The following LRRC28 variants were observed in gnomAD, a reference collection of about 807,000 sequenced individuals.
LRRC28 encodes the protein leucine-rich repeat-containing protein 28.
A neutral mutation model predicts 45.7 loss-of-function variants in LRRC28; 39 were observed. That is an observed-to-expected ratio of 0.85 (90% CI 0.66 to 1.12). The LOEUF is 1.12. Among genes scored for constraint, LRRC28 ranks in the 50% most tolerant of loss-of-function variants. LRRC28 has a pLI of 0.00. For synonymous variants in LRRC28, 206 were observed against 178.8 expected, an observed-to-expected ratio of 1.15 and a Z score of -1.22; for missense variants, 435 against 438.5, an observed-to-expected ratio of 0.99 and a Z score of 0.07.
chr15:99,279,099 G>A (rs146053601), intron 3 of LRRC28, among the ~76,000 whole-genome samples: 163 of 152,282 alleles, frequency 1.1e-3, no homozygotes, highest in African/African-American at 3.6e-3. Flanking sequence ...TGTACTTTCC[G>A]TCTCTATGGA....
intron 8 of LRRC28, among the ~76,000 whole-genome samples, chr15:99,362,594 T>A (rs62023857): frequency 0.14 from 20,851 of 152,234 alleles, 1,483 homozygotes; most frequent in Non-Finnish European, 0.17. Flanking sequence ...TGAGAGTAAG[T>A]CAAGCAAACG....
chr15:99,271,285 A>ATTT (rs71287826), intron 2 of LRRC28, among the ~76,000 whole-genome samples: 13 of 145,976 alleles, frequency 8.9e-5, no homozygotes, highest in Admixed American at 2.7e-4. Context: ...CAGTGTATCT[A>ATTT]TTTTTTTTTT....
intron 7 of LRRC28, among the ~76,000 whole-genome samples, chr15:99,352,749 A>G (rs1160475391): frequency 6.6e-6 from 1 of 152,218 alleles, no homozygotes; most frequent in African/African-American, 2.4e-5. Context: ...TAGAGTTGAC[A>G]AATAAAATTG....
intron 5 of LRRC28, among the ~76,000 whole-genome samples, chr15:99,319,816 A>ATTTTAT (rs200989896): frequency 1.3e-5 from 2 of 151,592 alleles, no homozygotes; most frequent in African/African-American, 4.8e-5. Context: ...ATTTTATTTT[A>ATTTTAT]TTTATTTTTT....
rs2080775904 is a variant in LRRC28, at chr15:99,251,532, T to G, written c.-70T>G. 1.3e-5 allele frequency: 2 copies of G among 151,114 alleles called. No homozygotes were observed. The highest frequency in any genetic ancestry group is 4.8e-5 in the African/African-American group (2 of 41,238). The allele number at this position is 151,114 out of a possible 1,614,324, so 9.4% of individuals were successfully genotyped here. On this transcript the variant is annotated 5_prime_UTR_variant, in exon 1 of 10. Transcript: ENST00000301981. ...TTGCGCTCCGGAGCGCTGGCTCTGC[T>G]GGCGCTGAGGTGAGTAGAGCTGTCC... is the stretch of plus-strand genomic sequence containing the variant.
At chr15:99,374,366 T>TA (rs1422281343) in intron 9 of LRRC28, among the ~76,000 whole-genome samples, 1 of 152,238 alleles carries the variant, frequency 6.6e-6, no homozygotes, top group African/African-American at 2.4e-5. Context: ...TTGTAAATGA[T>TA]ACTGTGTTTT....
At chr15:99,288,360 A>G (rs2082014425) in intron 5 of LRRC28, among the ~76,000 whole-genome samples, 1 of 147,494 alleles carries the variant, frequency 6.8e-6, no homozygotes, top group African/African-American at 2.5e-5. Context: ...GAGGTAACTA[A>G]TGTACATTAA....
chr15:99,305,702 G>A (rs1955158125), intron 5 of LRRC28, among the ~76,000 whole-genome samples: 1 of 151,836 alleles, frequency 6.6e-6, no homozygotes. Flanking sequence ...TTTGGAAAGA[G>A]GAATATTATG....
intron 2 of LRRC28, among the ~76,000 whole-genome samples, chr15:99,265,841 A>G (rs2152138906): frequency 1.3e-5 from 2 of 152,334 alleles, no homozygotes; most frequent in Admixed American, 1.3e-4. Context: ...GGAGGAAAAC[A>G]TAAAATCTCA....
intron 6 of LRRC28, among the ~76,000 whole-genome samples, chr15:99,339,105 G>GTC (rs78531461): frequency 0.31 from 47,390 of 151,972 alleles, 8,519 homozygotes; most frequent in African/African-American, 0.51. Flanking sequence ...TCAGAGAACT[G>GTC]CAACTCATTT....
intron 2 of LRRC28, among the ~76,000 whole-genome samples, chr15:99,273,267 C>G (rs1296263670): frequency 1.3e-5 from 2 of 151,952 alleles, no homozygotes; most frequent in Non-Finnish European, 2.9e-5. Context: ...GATGGAGTCT[C>G]ACTCTGTCAC....
chr15:99,377,308 AT>A (rs1957669372), intron 9 of LRRC28, among the ~76,000 whole-genome samples: 1 of 151,780 alleles, frequency 6.6e-6, no homozygotes, highest in Non-Finnish European at 1.5e-5. Context: ...GATGATGAGC[AT>A]TTTTTCATGT....
chr15:99,276,523 A>C, intron 2 of LRRC28, 53 bp from the exon 3 acceptor site: 3 of 1,395,140 alleles, frequency 2.2e-6, no homozygotes, highest in Non-Finnish European at 9.7e-7. Flanking sequence ...CAAATTAGAA[A>C]TGTTTAGACA....
At chr15:99,336,761 G>A (rs572063329) in intron 6 of LRRC28, among the ~76,000 whole-genome samples, 3 of 152,218 alleles carry the variant, frequency 2.0e-5, no homozygotes, top group African/African-American at 7.2e-5. Flanking sequence ...GTCTGTCTTG[G>A]TGCTGATAGT....
At chr15:99,329,360 G>A (rs1169024817) in intron 5 of LRRC28, among the ~76,000 whole-genome samples, 1 of 152,182 alleles carries the variant, frequency 6.6e-6, no homozygotes, top group Non-Finnish European at 1.5e-5. Flanking sequence ...GATCATAGAA[G>A]TGAAAATGCA....
Position 99,325,828 on chromosome 15 carries a change from A to G in LRRC28, c.386-8095A>G, listed in dbSNP as rs1351257056. 2.6e-5 allele frequency among the ~76,000 whole-genome samples: 4 copies of G among 152,120 alleles called. No homozygotes were observed. In the East Asian group the frequency reaches 7.7e-4, roughly 29 times the overall value. Reference sequence around the variant, plus strand: ...TGTTGCTAGTAAGACGGTGTTAGAGATTTTATTGATGTGCAGCAGAAAGCC... The same window carrying G: ...TGTTGCTAGTAAGACGGTGTTAGAGGTTTTATTGATGTGCAGCAGAAAGCC... On this transcript the variant is annotated intron_variant, in intron 5 of 9. Coordinates refer to ENST00000301981, the MANE Select transcript of LRRC28 (RefSeq NM_144598.5).
chr15:99,327,974 G>A (rs1956039094), intron 5 of LRRC28, among the ~76,000 whole-genome samples: 1 of 152,068 alleles, frequency 6.6e-6, no homozygotes, highest in African/African-American at 2.4e-5. Context: ...ATTATTATGG[G>A]TTATTTAGAA....
chr15:99,324,892 G>A (rs11247081), intron 5 of LRRC28, among the ~76,000 whole-genome samples: 59,882 of 151,738 alleles, frequency 0.39, 12,535 homozygotes, highest in African/African-American at 0.55. Flanking sequence ...TTGTAACTCT[G>A]TGTCAGGAAT....
At chr15:99,272,164 T>C (rs1309388634) in intron 2 of LRRC28, among the ~76,000 whole-genome samples, 1 of 152,222 alleles carries the variant, frequency 6.6e-6, no homozygotes, top group East Asian at 1.9e-4. Context: ...TGAAATGTGT[T>C]GTTAGAAGCC....
Sources: gnomAD v4.1 joint callset for allele counts (sites outside exome capture counted in the v4.1 genomes callset) on GRCh38, gnomAD v4.1.1 for gene constraint, MANE v1.5 for transcripts, NCBI Gene and HGNC (gene_info 2026-07-23, HGNC 2026-07-21) for gene names.